Variants in AREL1 observed in about 807,000 individuals in gnomAD.
AREL1 encodes the protein apoptosis-resistant E3 ubiquitin protein ligase 1.
Under a neutral mutation model 99.0 loss-of-function variants are expected in AREL1, and 62 were observed. The ratio of observed to expected loss-of-function variants is 0.63; its 90% CI spans 0.51 to 0.77. The LOEUF is 0.77. Among genes scored for constraint, AREL1 ranks in the 30% least tolerant of loss-of-function variants. AREL1 has a pLI of 0.00. For synonymous variants in AREL1, 380 were observed against 376.5 expected (o/e 1.01, Z -0.11); for missense variants, 879 against 1,027.6 (o/e 0.86, Z 1.98).
At chr14:74,711,937 A>C (rs2090300951) in intron 1 of AREL1, 1 of 148,898 alleles carries the variant, frequency 6.7e-6, no homozygotes, top group Non-Finnish European at 1.5e-5. Flanking sequence ...AACATATTTT[A>C]CTTCCAACTC....
Position 74,663,097 on chromosome 14 carries a change from A to G in AREL1, c.*623T>C, listed in dbSNP as rs529644190. 2.8e-4 allele frequency: 44 copies of G among 156,782 alleles called. No homozygotes were observed. Among genetic ancestry groups the G allele is most frequent in the Admixed American group, 4.5e-4 (7 of 15,574 alleles). 9.7% of individuals were successfully genotyped at this position (156,782 alleles called of 1,614,324 possible). A position where few individuals can be genotyped will look rare whatever the true frequency, so the allele number is the denominator to read the frequency against. On this transcript the variant is annotated 3_prime_UTR_variant, in exon 20 of 20. Coordinates refer to ENST00000356357, the MANE Select transcript of AREL1 (RefSeq NM_001039479.2). ...CATTTCCAGAAATGCCCGAAGGGAA[A>G]GTGCTTTTTCCAGTTCTGACACCAC...
intron 8 of AREL1, 54 bp downstream of exon 8, chr14:74,675,645 A>G: frequency 1.3e-6 from 2 of 1,577,412 alleles, no homozygotes; most frequent in Non-Finnish European, 1.7e-6. Context: ...ACCAAATACC[A>G]ATTACACACA....
chr14:74,684,565 CCGGTCCCCT>C lies in AREL1; in HGVS notation c.123_131del (p.Gly42_Arg44del). On this transcript the variant is annotated inframe_deletion, in exon 4 of 20. Transcript: ENST00000356357. ...TTCCCCGCACGTAGTCATAAATAGT[CCGGTCCCCT>C]CGGCGCTCGCGGTCCTCATTCTGGA... The C allele has an allele frequency of 6.2e-7, 1 of 1,614,172 alleles. No individual in the cohort carries two copies. The highest frequency in any genetic ancestry group is 8.5e-7 in the Non-Finnish European group (1 of 1,180,024).
At chr14:74,665,041 G>C (rs1230574747) in intron 17 of AREL1, 116 bp from the exon 18 acceptor site, 3 of 740,828 alleles carry the variant, frequency 4.0e-6, no homozygotes, top group African/African-American at 3.5e-5. Flanking sequence ...CCAGGAAAAA[G>C]ACAGAAGGTG....
rs754592437 is a variant in AREL1 at position 74,683,314 on chromosome 14, A to G, written c.463T>C (p.Tyr155His). ...AACCTACCAGGTTGAAAAATTTTGT[A>G]GTAGGGACTATATGCCACATTTAAT... ...GGLNVAYSPY[Y>H]KIFQPGMVVP... The change falls in exon 5 of 20, where the codon TAC (tyrosine) becomes CAC (histidine). Residue 155 changes from tyrosine (Y) to histidine (H), a missense_variant. By Grantham distance (83) the Tyr-to-His change is moderately conservative. Coordinates refer to ENST00000356357, the MANE Select transcript of AREL1 (RefSeq NM_001039479.2). 1 of 1,612,614 alleles carries G rather than the reference A, an allele frequency of 6.2e-7. No individual in the cohort carries two copies.
Position 74,670,790 on chromosome 14 carries a change from G to A in AREL1, c.1580C>T (p.Thr527Ile). ...ALFDTTNQLF[T>I]RFSDNNQALV... is the part of the protein sequence containing the mutation. ...TGCTTGGTTGTTGTCACTGAACCGG[G>A]TGAAGAGCTGATTGGTGGTATCAAA... Residue 527 changes from threonine (T) to isoleucine (I), a missense_variant, in exon 13 of 20, where the codon ACC becomes ATC. Thr to Ile is a moderately conservative substitution (Grantham distance 89, BLOSUM62 -1). Coordinates refer to ENST00000356357, the MANE Select transcript of AREL1 (RefSeq NM_001039479.2). 1 of 1,614,114 alleles carries A rather than the reference G, an allele frequency of 6.2e-7. No homozygotes were observed.
chr14:74,702,442 C>G (rs575629631), intron 1 of AREL1, among the ~76,000 whole-genome samples: 2 of 152,304 alleles, frequency 1.3e-5, no homozygotes, highest in African/African-American at 4.8e-5. Context: ...TGTACCTTGG[C>G]TCCTTTCAGC....
intron 1 of AREL1, among the ~76,000 whole-genome samples, chr14:74,705,031 CA>C (rs2090150637): frequency 6.6e-6 from 1 of 151,554 alleles, no homozygotes; most frequent in South Asian, 2.1e-4. Flanking sequence ...ATTTAAGTTA[CA>C]GTCTTCTGTT....
intron 1 of AREL1, among the ~76,000 whole-genome samples, chr14:74,700,040 G>A (rs751229273): frequency 7.9e-5 from 12 of 152,188 alleles, no homozygotes; most frequent in Non-Finnish European, 1.5e-4. Context: ...TGAGGAAGAT[G>A]GCTTCAATCT....
chr14:74,687,291 C>T (rs1427543515), intron 2 of AREL1, among the ~76,000 whole-genome samples: 1 of 152,182 alleles, frequency 6.6e-6, no homozygotes, highest in Non-Finnish European at 1.5e-5. Context: ...AAATTCCCAC[C>T]TACTATCTCT....
At chr14:74,677,609 C>T (rs1450917200) in intron 5 of AREL1, among the ~76,000 whole-genome samples, 19 of 141,846 alleles carry the variant, frequency 1.3e-4, no homozygotes, top group Admixed American at 1.0e-3. Flanking sequence ...CGGGTTCAAG[C>T]GATTCTCCTG....
At chr14:74,676,534 AAGG>A in intron 6 of AREL1, 46 bp downstream of exon 6, 2 of 1,568,682 alleles carry the variant, frequency 1.3e-6, no homozygotes, top group Non-Finnish European at 1.7e-6. Flanking sequence ...ATAACAGAGA[AAGG>A]AGCCAGCTCT....
chr14:74,663,915 G>A lies in AREL1; in HGVS notation c.2353C>T (p.Pro785Ser). ...IIAAPTHSTL[P>S]TAHTCFNQLC... Reference sequence around the variant, plus strand: ...GATACCTACCATGTGTGTGCAGTAGGCAGCGTGCTATGGGTCGGAGCGGCA... The same window carrying A: ...GATACCTACCATGTGTGTGCAGTAGACAGCGTGCTATGGGTCGGAGCGGCA... Residue 785 changes from proline (P) to serine (S), a missense_variant, in exon 19 of 20, where the codon CCT becomes TCT. Transcript: ENST00000356357. 1 of 1,614,224 alleles carries A rather than the reference G, an allele frequency of 6.2e-7. No individual in the cohort carries two copies. The highest frequency in any genetic ancestry group is 8.5e-7 in the Non-Finnish European group (1 of 1,180,020).
intron 1 of AREL1, chr14:74,698,877 A>AAG: frequency 5.1e-6 from 1 of 196,808 alleles, no homozygotes; most frequent in Non-Finnish European, 1.1e-5. Context: ...AAAAAAAAAA[A>AAG]GCTGGGTGTG....
intron 1 of AREL1, among the ~76,000 whole-genome samples, chr14:74,692,871 T>A (rs1013229732): frequency 2.6e-5 from 4 of 152,076 alleles, no homozygotes; most frequent in Non-Finnish European, 4.4e-5. Context: ...ACCTGGCTAA[T>A]TTTTTATTTG....
chr14:74,662,874 C>A lies in AREL1; in HGVS notation c.*846G>T. The A allele has an allele frequency of 2.9e-6, 1 of 345,884 alleles. No individual in the cohort carries two copies. The highest frequency in any genetic ancestry group is 5.2e-6 in the Non-Finnish European group (1 of 193,026). 21.4% of individuals were successfully genotyped at this position (345,884 alleles called of 1,614,324 possible). A position where few individuals can be genotyped will look rare whatever the true frequency, so the allele number is the denominator to read the frequency against. On this transcript the variant is annotated 3_prime_UTR_variant, in exon 20 of 20. Transcript: ENST00000356357. ...ACTACATAATGGGGAAGTCAGTGGC[C>A]CAAGCCGGCCATACTTCAGTGCCAA... is the stretch of plus-strand genomic sequence containing the variant.
intron 8 of AREL1, among the ~76,000 whole-genome samples, chr14:74,674,516 C>G (rs370424019): frequency 6.6e-6 from 1 of 152,076 alleles, no homozygotes; most frequent in South Asian, 2.1e-4. Context: ...GCACAAGAAT[C>G]GCTTGAACCC....
intron 6 of AREL1, 33 bp downstream of exon 6, chr14:74,676,550 C>G (rs1353788853): frequency 6.2e-7 from 1 of 1,602,832 alleles, no homozygotes; most frequent in East Asian, 2.2e-5. Context: ...CCAGCTCTCT[C>G]TAGCACACAG....
chr14:74,704,744 A>G (rs575276957), intron 1 of AREL1, among the ~76,000 whole-genome samples: 1 of 152,324 alleles, frequency 6.6e-6, no homozygotes, highest in African/African-American at 2.4e-5. Flanking sequence ...TTTAAAGAGT[A>G]CAAGTTTCTA....
Sources: gnomAD v4.1 joint callset for allele counts (sites outside exome capture counted in the v4.1 genomes callset) on GRCh38, gnomAD v4.1.1 for gene constraint, MANE v1.5 for transcripts, NCBI Gene and HGNC (gene_info 2026-07-23, HGNC 2026-07-21) for gene names.